The following GLG1 variants were observed in gnomAD, a reference collection of about 807,000 sequenced individuals.
GLG1 encodes golgi glycoprotein 1.
Under a neutral mutation model 160.5 loss-of-function variants are expected in GLG1, and 38 were observed. That is an observed-to-expected ratio of 0.24 (90% CI 0.18 to 0.31). GLG1 has a LOEUF of 0.31. Among genes scored for constraint, GLG1 ranks in the 10% least tolerant of loss-of-function variants. GLG1 has a pLI of 1.00. For missense variants in GLG1, 1,373 were observed against 1,505.2 expected (o/e 0.91, Z 1.45); for synonymous variants, 644 against 543.4 (o/e 1.19, Z -2.57).
intron 1 of GLG1, chr16:74,563,214 C>G (rs1173134830): frequency 6.6e-6 from 1 of 152,154 alleles, no homozygotes; most frequent in East Asian, 1.9e-4. Flanking sequence ...CCAACCTTAT[C>G]CATAGGCAGC....
intron 1 of GLG1, among the ~76,000 whole-genome samples, chr16:74,571,535 C>A (rs772321722): frequency 6.6e-6 from 1 of 151,836 alleles, no homozygotes; most frequent in Non-Finnish European, 1.5e-5. Flanking sequence ...TAGCCAGGTG[C>A]CAGCTACTTT....
intron 1 of GLG1, among the ~76,000 whole-genome samples, chr16:74,600,813 A>C (rs1958425346): frequency 6.6e-6 from 1 of 151,996 alleles, no homozygotes; most frequent in South Asian, 2.1e-4. Flanking sequence ...GTTCCACCCA[A>C]ATCTAAATCC....
At chr16:74,468,445 A>C (rs2143226417) in intron 17 of GLG1, 1 of 155,786 alleles carries the variant, frequency 6.4e-6, no homozygotes, top group South Asian at 2.0e-4. Context: ...CATGTTGGCC[A>C]GGCTGGTCTT....
chr16:74,497,350 T>G (rs944500319), intron 4 of GLG1, among the ~76,000 whole-genome samples: 2 of 151,212 alleles, frequency 1.3e-5, no homozygotes, highest in Non-Finnish European at 2.9e-5. Flanking sequence ...CTGGTCATAG[T>G]TCATGTCAAG....
chr16:74,478,452 G>C (rs1453595842), intron 11 of GLG1, among the ~76,000 whole-genome samples: 2 of 151,930 alleles, frequency 1.3e-5, no homozygotes, highest in African/African-American at 4.8e-5. Context: ...AGTCTCTCTT[G>C]CAAAAAAAGA....
rs11315636 is a variant in GLG1 at position 74,492,520 on chromosome 16, TAA to T, written c.1234+435_1234+436del. The stretch of plus-strand genomic sequence containing the variant: ...CAACGTGGCAAAACCTCATCTCTAT[TAA>T]AAAAAAAAAAAAATTGCTAGGTGCG... On this transcript the variant is annotated intron_variant, in intron 7 of 25. Coordinates refer to ENST00000422840, the MANE Select transcript of GLG1 (RefSeq NM_001145667.2). 3.0e-3 allele frequency among the ~76,000 whole-genome samples: 432 copies of T among 146,212 alleles called. 2 individuals carry two copies. Among genetic ancestry groups the T allele is most frequent in the African/African-American group, 5.5e-3 (219 of 39,858 alleles).
At chr16:74,495,140 G>C (rs528732394) in intron 5 of GLG1, among the ~76,000 whole-genome samples, 1 of 127,936 alleles carries the variant, frequency 7.8e-6, no homozygotes, top group South Asian at 2.7e-4. Flanking sequence ...GATAGAGTCA[G>C]TCTTGCTCTG....
chr16:74,508,639 A>G (rs2016697353), intron 3 of GLG1, among the ~76,000 whole-genome samples, 200 bp downstream of exon 3: 1 of 152,186 alleles, frequency 6.6e-6, no homozygotes, highest in East Asian at 1.9e-4. Flanking sequence ...AACTGCCTCA[A>G]TCAATAGTAT....
chr16:74,565,801 T>C (rs1008760447), intron 1 of GLG1, among the ~76,000 whole-genome samples: 4 of 152,218 alleles, frequency 2.6e-5, no homozygotes, highest in Admixed American at 6.5e-5. Flanking sequence ...ACACACCTTA[T>C]TGGTTCTATG....
intron 1 of GLG1, among the ~76,000 whole-genome samples, chr16:74,556,687 T>G (rs1008096192): frequency 1.3e-5 from 2 of 149,156 alleles, no homozygotes; most frequent in African/African-American, 2.5e-5. Flanking sequence ...ATATTATTAT[T>G]TTTTTATTAT....
intron 1 of GLG1, among the ~76,000 whole-genome samples, chr16:74,547,104 T>C (rs1199160347): frequency 6.6e-6 from 1 of 152,078 alleles, no homozygotes. Context: ...TATATCATTT[T>C]GGGGCCATAA....
intron 1 of GLG1, among the ~76,000 whole-genome samples, chr16:74,539,785 G>A (rs1029393266): frequency 6.8e-6 from 1 of 147,584 alleles, no homozygotes; most frequent in Non-Finnish European, 1.5e-5. Context: ...TAGAGAAGAT[G>A]CTCTGCCCCA....
At chr16:74,543,655 A>C (rs1309774168) in intron 1 of GLG1, among the ~76,000 whole-genome samples, 1 of 152,232 alleles carries the variant, frequency 6.6e-6, no homozygotes, top group Non-Finnish European at 1.5e-5. Context: ...ACTATATTAT[A>C]GTTTGGGAAA....
intron 9 of GLG1, 74 bp from the exon 10 acceptor site, chr16:74,483,198 G>T: frequency 1.2e-6 from 1 of 863,816 alleles, no homozygotes; most frequent in Non-Finnish European, 1.9e-6. Flanking sequence ...TATTTCCCTG[G>T]TCTGTAGAAG....
At chr16:74,603,065 G>A (rs554106719) in intron 1 of GLG1, among the ~76,000 whole-genome samples, 1 of 151,634 alleles carries the variant, frequency 6.6e-6, no homozygotes, top group African/African-American at 2.4e-5. Flanking sequence ...ACTCCAGCCT[G>A]AGCAACAGGG....
chr16:74,565,609 A>G (rs1366314145), intron 1 of GLG1, among the ~76,000 whole-genome samples: 1 of 152,174 alleles, frequency 6.6e-6, no homozygotes, highest in East Asian at 1.9e-4. Context: ...CCAATCCTGC[A>G]GTTTCTGTAC....
chr16:74,510,637 G>C (rs568176127), intron 2 of GLG1, among the ~76,000 whole-genome samples: 1 of 152,264 alleles, frequency 6.6e-6, no homozygotes, highest in Admixed American at 6.5e-5. Context: ...ATCAATCACT[G>C]ATTCAGTTAA....
intron 4 of GLG1, among the ~76,000 whole-genome samples, chr16:74,498,220 C>G (rs1311616955): frequency 1.3e-5 from 2 of 149,676 alleles, no homozygotes; most frequent in Non-Finnish European, 3.0e-5. Flanking sequence ...ATCACGAGGT[C>G]AAGAGTTCAA....
chr16:74,463,615 T>C (rs2014886363), intron 19 of GLG1, 136 bp from the exon 20 acceptor site: 18 of 797,036 alleles, frequency 2.3e-5, no homozygotes, highest in Non-Finnish European at 3.7e-5. Flanking sequence ...TTCGGCTTAC[T>C]GCAACCTCCG....
Sources: allele counts gnomAD v4.1 joint callset (sites outside exome capture counted in the v4.1 genomes callset), GRCh38; gene constraint gnomAD v4.1.1; transcripts MANE v1.5; gene names NCBI Gene and HGNC (gene_info 2026-07-23, HGNC 2026-07-21).